Variants in DCST2 observed in about 807,000 individuals in gnomAD.
DCST2 encodes DC-STAMP domain-containing protein 2.
A neutral mutation model predicts 81.8 loss-of-function variants in DCST2; 64 were observed. The observed-to-expected ratio is 0.78, with a 90% CI of 0.64 to 0.96. The LOEUF is 0.96. DCST2 is among the 40% of genes least tolerant of loss of function. The pLI, the probability that DCST2 is intolerant of heterozygous loss-of-function variation, is 0.00. For missense variants in DCST2, 945 were observed against 1,001.4 expected (o/e 0.94, Z 0.76); for synonymous variants, 354 against 402.6 (o/e 0.88, Z 1.44).
rs761781789 is a variant in DCST2, at chr1:155,026,626, G to A, written c.1432C>T (p.Gln478Ter). ...DLVSAFDVLQ[Q>*]GNISILSRRC... The stretch of plus-strand genomic sequence containing the variant: ...CGGGACAAAATACTGATGTTGCCTT[G>A]CTGCAGGACATCAAATGCTGACACC... Residue 478 changes from glutamine to a stop codon, truncating the protein, a stop_gained, in exon 9 of 15, where the codon CAA (glutamine) becomes TAA (stop). Coordinates refer to ENST00000368424, the MANE Select transcript of DCST2 (RefSeq NM_144622.3). LOFTEE classifies it high-confidence loss of function. 6.2e-7 allele frequency: 1 copy of A among 1,614,204 alleles called. No individual in the cohort carries two copies. The highest frequency in any genetic ancestry group is 1.1e-5 in the South Asian group (1 of 91,082).
At chr1:155,025,556 T>C (rs1659876562) in intron 10 of DCST2, among the ~76,000 whole-genome samples, 1 of 152,074 alleles carries the variant, frequency 6.6e-6, no homozygotes, top group African/African-American at 2.4e-5. Context: ...CTCAATCTCT[T>C]GACCTTGTGA....
In DCST2 at chr1:155,018,685, G is replaced by A. The variant is rs1432573565; in HGVS notation, c.2181C>T (p.Val727=). Reference sequence around the variant, plus strand: ...GGGGCTCAGGGCTGGTGAGAATGCTGACAGGCTGATGGGCTTCAGGTAAGG... The same window carrying A: ...GGGGCTCAGGGCTGGTGAGAATGCTAACAGGCTGATGGGCTTCAGGTAAGG... ...QQPLPEAHQP[V]SILTSPEPHR... The change falls in exon 15 of 15, where the codon GTC becomes GTT. Residue 727 remains valine, a synonymous_variant. Coordinates refer to ENST00000368424, the MANE Select transcript of DCST2 (RefSeq NM_144622.3). 2 of 1,613,886 alleles carry A rather than the reference G, an allele frequency of 1.2e-6. No homozygotes were observed. Among genetic ancestry groups the A allele is most frequent in the Non-Finnish European group, 1.7e-6 (2 of 1,179,976 alleles).
At chr1:155,023,762 C>T (rs919657878) in intron 12 of DCST2, 70 bp downstream of exon 12, 5 of 1,604,704 alleles carry the variant, frequency 3.1e-6, no homozygotes, top group Non-Finnish European at 3.4e-6. Flanking sequence ...AAGGAAGGAC[C>T]ACAGTGGATT....
In DCST2 at chr1:155,033,269, G is replaced by A; in HGVS notation, c.269-5C>T. On this transcript the variant is annotated splice_polypyrimidine_tract_variant and splice_region_variant and intron_variant, in intron 1 of 14. Coordinates refer to ENST00000368424, the MANE Select transcript of DCST2 (RefSeq NM_144622.3). The stretch of plus-strand genomic sequence containing the variant: ...ACAGTAGTGTCCGGCCCTGCCCTGG[G>A]GGCGACAGCTTTGTTAGAACCAAGA... 1 of 1,605,976 alleles carries A rather than the reference G, an allele frequency of 6.2e-7. No homozygotes were observed. The highest frequency in any genetic ancestry group is 8.5e-7 in the Non-Finnish European group (1 of 1,176,894).
In DCST2 at chr1:155,032,720, G is replaced by A. The variant is rs776059649; in HGVS notation, c.488C>T (p.Ala163Val). Residue 163 changes from alanine to valine, a missense_variant, in exon 3 of 15, where the codon GCT becomes GTT. By Grantham distance (64) the Ala-to-Val change is moderately conservative. Transcript: ENST00000368424. ...KAIARKTKEVADRVRKFFRSI... is the reference protein window; with the variant it reads ...KAIARKTKEVVDRVRKFFRSI... ...CCGAAAGAACTTGCGGACCCGGTCA[G>A]CCACCTCTTTGGTCTTCCGGGCAAT... 2 of 1,614,170 alleles carry A rather than the reference G, an allele frequency of 1.2e-6. No homozygotes were observed. The highest frequency in any genetic ancestry group is 8.5e-7 in the Non-Finnish European group (1 of 1,180,008).
intron 11 of DCST2, 88 bp downstream of exon 11, chr1:155,024,384 A>G: frequency 6.8e-7 from 1 of 1,461,796 alleles, no homozygotes; most frequent in Non-Finnish European, 9.1e-7. Context: ...ATCTCTTGAC[A>G]CTTAGATAGC....
In DCST2 at chr1:155,029,236, G is replaced by A. The variant is rs147350301; in HGVS notation, c.1339C>T (p.Arg447Cys). The change falls in exon 8 of 15, where the codon CGC becomes TGC. Residue 447 changes from arginine to cysteine, a missense_variant. Arg to Cys is a radical substitution (Grantham distance 180). Coordinates refer to ENST00000368424, the MANE Select transcript of DCST2 (RefSeq NM_144622.3). ...RHQLQGEIVA[R>C]SPVLVSLTVE... ...AGGCTGTCACGTAGGCACTCACTGC[G>A]GGCCACAATCTCCCCCTGCAGCTGG... 5.6e-6 allele frequency: 9 copies of A among 1,612,958 alleles called. No individual in the cohort carries two copies. The highest frequency in any genetic ancestry group is 5.3e-5 in the African/African-American group (4 of 74,790).
chr1:155,031,559 C>A lies in DCST2; in HGVS notation c.739+15G>T. ...ACATCGGCTCCTCCCCGCTGGCAGA[C>A]CCTGGTTTTCTCACGGCTGGCAAGT... On this transcript the variant is annotated intron_variant, in intron 4 of 14. Coordinates refer to ENST00000368424, the MANE Select transcript of DCST2 (RefSeq NM_144622.3). The A allele has an allele frequency of 6.5e-7, 1 of 1,534,408 alleles. No homozygotes were observed. The highest frequency in any genetic ancestry group is 1.4e-5 in the African/African-American group (1 of 69,810).
chr1:155,033,779 T>C lies in DCST2; in HGVS notation c.-78A>G. The C allele has an allele frequency of 6.4e-7, 1 of 1,559,548 alleles. No individual in the cohort carries two copies. Among genetic ancestry groups the C allele is most frequent in the South Asian group, 1.2e-5 (1 of 82,018 alleles). Reference sequence around the variant, plus strand: ...GTGCTCCTGGAATTTCTCACCGTATTCTAAGGTTCCAAAGGGCTTTCACTG... The same window carrying C: ...GTGCTCCTGGAATTTCTCACCGTATCCTAAGGTTCCAAAGGGCTTTCACTG... On this transcript the variant is annotated 5_prime_UTR_variant, in exon 1 of 15. Coordinates refer to ENST00000368424, the MANE Select transcript of DCST2 (RefSeq NM_144622.3).
At chr1:155,029,160 G>A (rs1659996027) in intron 8 of DCST2, 73 bp downstream of exon 8, 3 of 1,553,552 alleles carry the variant, frequency 1.9e-6, no homozygotes, top group Admixed American at 1.8e-5. Flanking sequence ...CTTGGGAGCA[G>A]GCGGGGAGAT....
At chr1:155,025,147 C>CAAA (rs201238594) in intron 10 of DCST2, among the ~76,000 whole-genome samples, 2 of 111,348 alleles carry the variant, frequency 1.8e-5, no homozygotes, top group Admixed American at 9.0e-5. Context: ...AATTCTGTCT[C>CAAA]AAAAAAAAAA....
chr1:155,031,779 C>T lies in DCST2; in HGVS notation c.542-8G>A, dbSNP rs1660093383. The T allele has an allele frequency of 1.2e-6, 2 of 1,613,170 alleles. No individual in the cohort carries two copies. The highest frequency in any genetic ancestry group is 2.7e-5 in the African/African-American group (2 of 74,986). Reference sequence around the variant, plus strand: ...CATTCCGGAGAGCCCTGGCTGGGGACAGCTGCAGGGTTGGCACCCAGGGCT... The same window carrying T: ...CATTCCGGAGAGCCCTGGCTGGGGATAGCTGCAGGGTTGGCACCCAGGGCT... On this transcript the variant is annotated splice_polypyrimidine_tract_variant and splice_region_variant and intron_variant, in intron 3 of 14. Transcript: ENST00000368424.
At chr1:155,029,986 T>C in intron 7 of DCST2, 98 bp downstream of exon 7, 1 of 1,545,472 alleles carries the variant, frequency 6.5e-7, no homozygotes, top group East Asian at 2.3e-5. Context: ...AAGCCCATCC[T>C]GAGCCCTGCC....
At position 155,026,415 on chromosome 1, in the gene DCST2, C is replaced by T; in HGVS notation, c.1511-13G>A. The T allele has an allele frequency of 6.2e-7, 1 of 1,613,684 alleles. No individual in the cohort carries two copies. The highest frequency in any genetic ancestry group is 2.2e-5 in the East Asian group (1 of 44,872). ...CCATACATGACGCCTGGGAGCACAG[C>T]AGCCACAGTCAGCCTCACCAGCAGG... is the stretch of plus-strand genomic sequence containing the variant. On this transcript the variant is annotated splice_polypyrimidine_tract_variant and intron_variant, in intron 9 of 14. Coordinates refer to ENST00000368424, the MANE Select transcript of DCST2 (RefSeq NM_144622.3).
chr1:155,030,227 C>A lies in DCST2; in HGVS notation c.1034G>T (p.Arg345Leu), dbSNP rs775781123. 2 of 1,613,982 alleles carry A rather than the reference C, an allele frequency of 1.2e-6. No individual in the cohort carries two copies. The highest frequency in any genetic ancestry group is 3.3e-5 in the Admixed American group (2 of 60,000). Residue 345 changes from arginine to leucine, a missense_variant, in exon 7 of 15, where the codon CGG becomes CTG. Arg to Leu is a moderately radical substitution (Grantham distance 102). Transcript: ENST00000368424. Reference protein sequence around the residue: ...VLLYLQALFYRYCYLNWDHYD... With the variant: ...VLLYLQALFYLYCYLNWDHYD... ...ATGGTCCCAGTTCAGGTAACAATAC[C>A]GGTAAAATAGGGCTCTGGGAAGGGG...
chr1:155,025,041 G>A (rs894210872), intron 10 of DCST2, among the ~76,000 whole-genome samples: 2 of 151,876 alleles, frequency 1.3e-5, no homozygotes, highest in Non-Finnish European at 2.9e-5. Flanking sequence ...CAGCTACTCG[G>A]GAGGCTGAGG....
At chr1:155,019,609 C>G (rs1659687018) in intron 14 of DCST2, among the ~76,000 whole-genome samples, 1 of 152,222 alleles carries the variant, frequency 6.6e-6, no homozygotes, top group Non-Finnish European at 1.5e-5. Flanking sequence ...AGACAGAGAC[C>G]CTGGGCTGCC....
rs1660031352 is a variant in DCST2, at chr1:155,030,222, A to G, written c.1039T>C (p.Cys347Arg). The stretch of plus-strand genomic sequence containing the variant: ...TCATAATGGTCCCAGTTCAGGTAAC[A>G]ATACCGGTAAAATAGGGCTCTGGGA... ...LYLQALFYRY[C>R]YLNWDHYDNI... Residue 347 changes from cysteine to arginine, a missense_variant, in exon 7 of 15, where the codon TGT (cysteine) becomes CGT (arginine). Physicochemically the swap from Cys to Arg is radical, Grantham distance 180 (BLOSUM62 -3). Coordinates refer to ENST00000368424, the MANE Select transcript of DCST2 (RefSeq NM_144622.3). 1.2e-6 allele frequency: 2 copies of G among 1,613,962 alleles called. No homozygotes were observed. The highest frequency in any genetic ancestry group is 8.5e-7 in the Non-Finnish European group (1 of 1,180,002).
Position 155,032,739 on chromosome 1 carries a change from G to C in DCST2, c.469C>G (p.Arg157Gly). ...SALNKIKAIA[R>G]KTKEVADRVR... ...CGGTCAGCCACCTCTTTGGTCTTCC[G>C]GGCAATAGCTTTAATCTTGTTCAGG... is the stretch of plus-strand genomic sequence containing the variant. The change falls in exon 3 of 15, where the codon CGG (arginine) becomes GGG (glycine). Residue 157 changes from arginine (R) to glycine (G), a missense_variant. Arg to Gly is a moderately radical substitution (Grantham distance 125). Transcript: ENST00000368424. 1 of 1,614,124 alleles carries C rather than the reference G, an allele frequency of 6.2e-7. No homozygotes were observed. Among genetic ancestry groups the C allele is most frequent in the Non-Finnish European group, 8.5e-7 (1 of 1,180,016 alleles).
Sources: allele counts gnomAD v4.1 joint callset (sites outside exome capture counted in the v4.1 genomes callset), GRCh38; gene constraint gnomAD v4.1.1; transcripts MANE v1.5; gene names NCBI Gene and HGNC (gene_info 2026-07-23, HGNC 2026-07-21).